Variants in KIAA0825 observed in about 807,000 individuals in gnomAD.
KIAA0825 encodes uncharacterized protein KIAA0825.
In KIAA0825, 119 loss-of-function variants were observed where a neutral mutation model predicts 147.6. The observed-to-expected ratio is 0.81, with a 90% CI of 0.69 to 0.94. The LOEUF (loss-of-function observed/expected upper bound fraction) is 0.94. KIAA0825 is among the 40% of genes least tolerant of loss of function. The pLI, the probability that KIAA0825 is intolerant of heterozygous loss-of-function variation, is 0.00. For synonymous variants in KIAA0825, 470 were observed against 518.1 expected (o/e 0.91, Z 1.26); for missense variants, 1,381 against 1,472.7 (o/e 0.94, Z 1.02).
At chr5:94,355,686 G>T (rs191974641) in intron 20 of KIAA0825, among the ~76,000 whole-genome samples, 1 of 152,000 alleles carries the variant, frequency 6.6e-6, no homozygotes, top group African/African-American at 2.4e-5. Context: ...TAGATGATTT[G>T]GTACAATATC....
At chr5:94,385,123 C>T (rs975627020) in intron 19 of KIAA0825, among the ~76,000 whole-genome samples, 2 of 152,098 alleles carry the variant, frequency 1.3e-5, no homozygotes, top group Admixed American at 6.5e-5. Context: ...AATTTAACAG[C>T]TATAATAATT....
At chr5:94,569,681 G>A (rs1321449308) in intron 2 of KIAA0825, 1 of 339,102 alleles carries the variant, frequency 2.9e-6, no homozygotes, top group Non-Finnish European at 5.5e-6. Context: ...AATGATCACA[G>A]GACTATTCCT....
intron 20 of KIAA0825, among the ~76,000 whole-genome samples, chr5:94,291,962 G>A (rs1777917106): frequency 6.6e-6 from 1 of 152,148 alleles, no homozygotes; most frequent in Non-Finnish European, 1.5e-5. Context: ...CATTGATTTT[G>A]TATCCTGAAA....
chr5:94,600,598 C>T (rs1786222054), intron 1 of KIAA0825, among the ~76,000 whole-genome samples: 1 of 152,070 alleles, frequency 6.6e-6, no homozygotes, highest in Non-Finnish European at 1.5e-5. Context: ...CTTGATTATG[C>T]CTCTGTTAGG....
chr5:94,389,836 C>A (rs902064735), intron 18 of KIAA0825, among the ~76,000 whole-genome samples: 18 of 152,176 alleles, frequency 1.2e-4, no homozygotes, highest in African/African-American at 4.3e-4. Context: ...GGCAAAGGTA[C>A]CTTTCTTTGC....
At chr5:94,484,169 T>A (rs1270334188) in intron 6 of KIAA0825, among the ~76,000 whole-genome samples, 1 of 151,778 alleles carries the variant, frequency 6.6e-6, no homozygotes, top group Non-Finnish European at 1.5e-5. Flanking sequence ...AAAAACAACA[T>A]ATTCCATAAT....
chr5:94,226,970 C>A (rs1398675637), intron 20 of KIAA0825, among the ~76,000 whole-genome samples: 3 of 152,100 alleles, frequency 2.0e-5, no homozygotes, highest in Admixed American at 6.5e-5. Flanking sequence ...TAGTTCAACC[C>A]TTGTGGAAGT....
chr5:94,551,797 G>T (rs11956894), intron 2 of KIAA0825, among the ~76,000 whole-genome samples: 1 of 151,446 alleles, frequency 6.6e-6, no homozygotes, highest in African/African-American at 2.4e-5. Flanking sequence ...AAAGGAGAAA[G>T]AAAAAGGAAT....
At chr5:94,541,072 T>C (rs898750815) in intron 2 of KIAA0825, among the ~76,000 whole-genome samples, 2 of 152,246 alleles carry the variant, frequency 1.3e-5, no homozygotes, top group African/African-American at 2.4e-5. Context: ...AAAGAATTTA[T>C]GAAAGGGAAT....
chr5:94,547,490 C>T (rs1021846152), intron 2 of KIAA0825, among the ~76,000 whole-genome samples: 2 of 152,056 alleles, frequency 1.3e-5, no homozygotes, highest in African/African-American at 4.8e-5. Context: ...GTAATCCCAG[C>T]ATTTTGGGAG....
At chr5:94,474,556 T>C (rs1182819690) in intron 7 of KIAA0825, among the ~76,000 whole-genome samples, 4 of 152,170 alleles carry the variant, frequency 2.6e-5, no homozygotes, top group African/African-American at 9.7e-5. Flanking sequence ...GAAATTATGA[T>C]CATAAGCCTA....
At chr5:94,329,771 A>T (rs1228367354) in intron 20 of KIAA0825, among the ~76,000 whole-genome samples, 1 of 152,030 alleles carries the variant, frequency 6.6e-6, no homozygotes, top group Admixed American at 6.5e-5. Context: ...TTTGCCCTAC[A>T]GTATGTTGAA....
At chr5:94,446,798 G>A (rs566641920) in intron 13 of KIAA0825, among the ~76,000 whole-genome samples, 131 of 152,280 alleles carry the variant, frequency 8.6e-4, no homozygotes, top group African/African-American at 3.2e-3. Flanking sequence ...TTGGGTTTGA[G>A]AAAACTCTTG....
chr5:94,175,177 G>A (rs781027799), intron 20 of KIAA0825, among the ~76,000 whole-genome samples: 2 of 152,130 alleles, frequency 1.3e-5, no homozygotes, highest in Non-Finnish European at 2.9e-5. Context: ...TTGGCCTGCT[G>A]TTTTGTCTTC....
intron 15 of KIAA0825, among the ~76,000 whole-genome samples, chr5:94,408,881 A>G (rs138242389): frequency 3.1e-4 from 47 of 152,342 alleles, no homozygotes; most frequent in African/African-American, 1.1e-3. Flanking sequence ...TTAAAGCACA[A>G]TTGTGCAAAA....
intron 20 of KIAA0825, among the ~76,000 whole-genome samples, chr5:94,197,829 T>C (rs1771279386): frequency 6.6e-6 from 1 of 152,222 alleles, no homozygotes; most frequent in Non-Finnish European, 1.5e-5. Flanking sequence ...CATTGGTCTA[T>C]GTGTCTGTCT....
chr5:94,246,820 A>G (rs183629456), intron 20 of KIAA0825, among the ~76,000 whole-genome samples: 8 of 152,294 alleles, frequency 5.3e-5, no homozygotes, highest in Admixed American at 4.6e-4. Context: ...ATCCAAACCC[A>G]GAACTTTATG....
At chr5:94,265,357 T>A (rs1442734767) in intron 20 of KIAA0825, among the ~76,000 whole-genome samples, 1 of 152,186 alleles carries the variant, frequency 6.6e-6, no homozygotes, top group Non-Finnish European at 1.5e-5. Flanking sequence ...GCAATTTTTA[T>A]ACTACTACTA....
intron 20 of KIAA0825, among the ~76,000 whole-genome samples, chr5:94,289,552 A>AAG (rs1777798859): frequency 6.6e-6 from 1 of 151,770 alleles, no homozygotes; most frequent in Non-Finnish European, 1.5e-5. Flanking sequence ...AAAAAAAAAA[A>AAG]AGAGTAAACC....
Sources: gnomAD v4.1 joint callset for allele counts (sites outside exome capture counted in the v4.1 genomes callset) on GRCh38, gnomAD v4.1.1 for gene constraint, MANE v1.5 for transcripts, NCBI Gene and HGNC (gene_info 2026-07-23, HGNC 2026-07-21) for gene names.